The following ATOSA variants were observed in gnomAD, a reference collection of about 807,000 sequenced individuals.
ATOSA encodes the protein atos homolog protein A.
chr15:52,597,125 C>A, the ATOSA span, among the ~76,000 whole-genome samples: 1 of 152,070 alleles, frequency 6.6e-6, no homozygotes, highest in Non-Finnish European at 1.5e-5. Context: ...TTGGCAGTTT[C>A]TTAACAGTTA....
chr15:52,665,396 T>C, the ATOSA span, among the ~76,000 whole-genome samples: 2 of 152,208 alleles, frequency 1.3e-5, no homozygotes. Context: ...AGATAGTAAT[T>C]AGTCATTTTC....
At chr15:52,611,323 A>C in the ATOSA span, 2 of 1,565,066 alleles carry the variant, frequency 1.3e-6, no homozygotes, top group Non-Finnish European at 1.7e-6. Context: ...AGAATGGCAG[A>C]AGCTGAGATC....
the ATOSA span, among the ~76,000 whole-genome samples, chr15:52,589,401 G>A: frequency 2.0e-5 from 3 of 151,988 alleles, no homozygotes; most frequent in Non-Finnish European, 4.4e-5. Flanking sequence ...ATATATTACC[G>A]TTCTTCCTTG....
At chr15:52,611,309 T>G in the ATOSA span, 1 of 1,590,498 alleles carries the variant, frequency 6.3e-7, no homozygotes, top group Non-Finnish European at 8.6e-7. Flanking sequence ...AATGACTGAA[T>G]TTTAGAATGG....
the ATOSA span, among the ~76,000 whole-genome samples, chr15:52,698,804 T>A: frequency 6.6e-6 from 1 of 152,180 alleles, no homozygotes; most frequent in Admixed American, 6.5e-5. Context: ...GATGTATACA[T>A]AAGTAAAAAT....
chr15:52,627,198 G>C, the ATOSA span, among the ~76,000 whole-genome samples: 3 of 152,134 alleles, frequency 2.0e-5, no homozygotes, highest in Non-Finnish European at 4.4e-5. Context: ...CTGTGAATGA[G>C]TCAGAAAATA....
At chr15:52,646,718 T>A in the ATOSA span, among the ~76,000 whole-genome samples, 21 of 152,354 alleles carry the variant, frequency 1.4e-4, no homozygotes, top group African/African-American at 5.1e-4. Context: ...CCTCAATTTT[T>A]AAATATTAAT....
the ATOSA span, among the ~76,000 whole-genome samples, chr15:52,683,844 T>G: frequency 6.6e-6 from 1 of 152,226 alleles, no homozygotes; most frequent in Non-Finnish European, 1.5e-5. Flanking sequence ...TTCCTGACAC[T>G]GGGCTTCTGC....
the ATOSA span, among the ~76,000 whole-genome samples, chr15:52,703,413 C>A: frequency 6.6e-6 from 1 of 152,042 alleles, no homozygotes; most frequent in Admixed American, 6.6e-5. Context: ...AAGCAAATTA[C>A]AAATTAAATT....
At chr15:52,626,864 T>A in the ATOSA span, among the ~76,000 whole-genome samples, 2 of 152,194 alleles carry the variant, frequency 1.3e-5, no homozygotes, top group Non-Finnish European at 2.9e-5. Context: ...CAGTTTACTG[T>A]CAAGGTCATT....
At chr15:52,643,682 G>A in the ATOSA span, among the ~76,000 whole-genome samples, 12 of 151,662 alleles carry the variant, frequency 7.9e-5, no homozygotes, top group South Asian at 1.7e-3. Flanking sequence ...TTGAGAGGCC[G>A]AGGCAGGCGG....
chr15:52,600,172 A>T, the ATOSA span: 3 of 1,612,044 alleles, frequency 1.9e-6, no homozygotes, highest in South Asian at 2.2e-5. Flanking sequence ...GTGGAGCACT[A>T]GAACTCAAAA....
chr15:52,583,672 C>A, the ATOSA span, among the ~76,000 whole-genome samples: 1 of 152,170 alleles, frequency 6.6e-6, no homozygotes. Context: ...AGGTGTGAGC[C>A]ACCGTGCCCG....
the ATOSA span, among the ~76,000 whole-genome samples, chr15:52,596,234 A>T: frequency 1.3e-5 from 2 of 152,228 alleles, no homozygotes; most frequent in African/African-American, 4.8e-5. Flanking sequence ...TATATTTTTA[A>T]GATGTCAATT....
chr15:52,707,832 TTAA>T, the ATOSA span, among the ~76,000 whole-genome samples: 2 of 152,070 alleles, frequency 1.3e-5, no homozygotes, highest in African/African-American at 4.8e-5. Context: ...AAGCAAAAGT[TTAA>T]TAAAAGTATG....
the ATOSA span, among the ~76,000 whole-genome samples, chr15:52,614,753 C>T: frequency 1.3e-5 from 2 of 151,736 alleles, no homozygotes; most frequent in African/African-American, 4.8e-5. Flanking sequence ...GAGGCTGAGG[C>T]AGGAGAATCT....
chr15:52,621,854 C>CTTT, the ATOSA span, among the ~76,000 whole-genome samples: 5 of 144,942 alleles, frequency 3.4e-5, no homozygotes, highest in East Asian at 9.9e-4. Flanking sequence ...CTTACTTTTT[C>CTTT]TTTTTTTTTT....
chr15:52,690,047 G>A, the ATOSA span, among the ~76,000 whole-genome samples: 1 of 152,138 alleles, frequency 6.6e-6, no homozygotes, highest in Non-Finnish European at 1.5e-5. Context: ...CTCCATGAAT[G>A]AATCTTTCCA....
At chr15:52,704,077 G>C in the ATOSA span, among the ~76,000 whole-genome samples, 1 of 152,034 alleles carries the variant, frequency 6.6e-6, no homozygotes, top group Non-Finnish European at 1.5e-5. Context: ...TGCACAAAAA[G>C]AAAAATAGGA....
Sources: allele counts gnomAD v4.1 joint callset (sites outside exome capture counted in the v4.1 genomes callset), GRCh38; gene constraint gnomAD v4.1.1; transcripts MANE v1.5; gene names NCBI Gene and HGNC (gene_info 2026-07-23, HGNC 2026-07-21).